MGAT4B: variants seen among roughly 807,000 people sequenced by gnomAD.
MGAT4B encodes N-acetylglucosaminyltransferase IVb.
A neutral mutation model predicts 73.9 loss-of-function variants in MGAT4B; 38 were observed. That is an observed-to-expected ratio of 0.51 (90% CI 0.40 to 0.67). The LOEUF is 0.67. Among genes scored for constraint, MGAT4B ranks in the 30% least tolerant of loss-of-function variants. The pLI is 0.00. For synonymous variants in MGAT4B, 373 were observed against 313.5 expected, an observed-to-expected ratio of 1.19 and a Z score of -2.01; for missense variants, 686 against 735.2, an observed-to-expected ratio of 0.93 and a Z score of 0.77.
In MGAT4B at chr5:179,801,896, G is replaced by A; in HGVS notation, c.171C>T (p.Ser57=). 3 of 1,613,150 alleles carry A rather than the reference G, an allele frequency of 1.9e-6. No individual in the cohort carries two copies. Among genetic ancestry groups the A allele is most frequent in the Non-Finnish European group, 2.5e-6 (3 of 1,179,770 alleles). ...RDRLHAAEQE[S]LKRSKELNLV... ...GGTTGAGCTCCTTGGAGCGCTTGAG[G>A]CTCTCCTGCTCAGCTGCGTGCAACC... is the stretch of plus-strand genomic sequence containing the variant. The change falls in exon 2 of 15, where the codon AGC becomes AGT. Residue 57 remains serine (S), a synonymous_variant. Coordinates refer to ENST00000292591, the MANE Select transcript of MGAT4B (RefSeq NM_014275.5). The surrounding 1 kb of genome is among the most constrained non-coding windows in gnomAD (Gnocchi z 4.8).
At position 179,798,231 on chromosome 5, in the gene MGAT4B, G is replaced by A. The variant is rs769211175; in HGVS notation, c.1557C>T (p.Phe519=). The change falls in exon 14 of 15, where the codon TTC becomes TTT. Residue 519 remains phenylalanine (F), a synonymous_variant. Coordinates refer to ENST00000292591, the MANE Select transcript of MGAT4B (RefSeq NM_014275.5). The part of the protein sequence containing the change: ...GVAEGEVDPA[F]GPLEALRLSI... ...AGAGGCGCAGTGCTTCCAGAGGGCC[G>A]AAGGCTGGGTCCACCTCTCCCTCTG... The A allele has an allele frequency of 1.7e-5, 28 of 1,607,670 alleles. No homozygotes were observed. Among genetic ancestry groups the A allele is most frequent in the South Asian group, 3.3e-5 (3 of 90,644 alleles).
intron 1 of MGAT4B, chr5:179,802,309 CCATCCG>C (rs1446361384): frequency 7.3e-7 from 1 of 1,378,734 alleles, no homozygotes; most frequent in Non-Finnish European, 9.3e-7. Flanking sequence ...TGAATCCGCT[CCATCCG>C]TTGGCCTCCA....
Position 179,801,625 on chromosome 5 carries a change from T to C in MGAT4B, c.353A>G (p.His118Arg). The change falls in exon 3 of 15, where the codon CAC becomes CGC. Residue 118 changes from histidine to arginine, a missense_variant. Around this residue, in one of 2 missense-constraint regions of MGAT4B, gnomAD observed 237 missense variants for 198.5 expected, o/e 1.19. Coordinates refer to ENST00000292591, the MANE Select transcript of MGAT4B (RefSeq NM_014275.5). The surrounding 1 kb of genome is among the most constrained non-coding windows in gnomAD (Gnocchi z 4.8). ...HVLHLPTVFH[H>R]LPHLLAKESS... ...CTCCTTGGCCAGCAGGTGTGGCAGGTGATGGAAGACGGTGGGCAGGTGCAG... is the reference window on the plus strand; with the variant it reads ...CTCCTTGGCCAGCAGGTGTGGCAGGCGATGGAAGACGGTGGGCAGGTGCAG... The C allele has an allele frequency of 6.3e-7, 1 of 1,591,252 alleles. No homozygotes were observed. The highest frequency in any genetic ancestry group is 8.5e-7 in the Non-Finnish European group (1 of 1,170,856).
At chr5:179,803,536 T>G (rs943518088) in intron 1 of MGAT4B, 1 of 152,048 alleles carries the variant, frequency 6.6e-6, no homozygotes, top group East Asian at 2.0e-4. Context: ...TGCGCCTCCC[T>G]CCTGCCTAGA....
rs370612709 is a variant in MGAT4B at position 179,800,042 on chromosome 5, G to A, written c.822C>T (p.Pro274=). ...VQLEDDIVAK[P]NYLSTMKNFA... The stretch of plus-strand genomic sequence containing the variant: ...AGTTCTTCATGGTGCTCAGGTAGTT[G>A]GGCTTGGCCACGATGTCATCCTCCA... The change falls in exon 8 of 15, where the codon CCC becomes CCT. Residue 274 remains proline, a synonymous_variant. Transcript: ENST00000292591. 2.5e-6 allele frequency: 4 copies of A among 1,614,014 alleles called. No individual in the cohort carries two copies. The highest frequency in any genetic ancestry group is 1.7e-5 in the Admixed American group (1 of 60,024).
Position 179,806,579 on chromosome 5 carries a change from C to T in MGAT4B, c.5G>A (p.Arg2Lys). Reference sequence around the variant, plus strand: ...CGTCAGGAAGGTGCCATTGCGGAGCCTCATCTCCTCGGGTGCGCGGCGGGC... The same window carrying T: ...CGTCAGGAAGGTGCCATTGCGGAGCTTCATCTCCTCGGGTGCGCGGCGGGC... M[R>K]LRNGTFLTLL... The change falls in exon 1 of 15, where the codon AGG becomes AAG. Residue 2 changes from arginine to lysine, a missense_variant. By Grantham distance (26) the Arg-to-Lys change is conservative (BLOSUM62 2). Transcript: ENST00000292591. The surrounding 1 kb of genome is among the most constrained non-coding windows in gnomAD (Gnocchi z 4.6). 2 of 1,279,566 alleles carry T rather than the reference C, an allele frequency of 1.6e-6. No homozygotes were observed. Among genetic ancestry groups the T allele is most frequent in the Non-Finnish European group, 1.0e-6 (1 of 984,938 alleles). 79.3% of individuals were successfully genotyped at this position (1,279,566 alleles called of 1,614,324 possible).
chr5:179,798,023 G>A lies in MGAT4B; in HGVS notation c.*22C>T. On this transcript the variant is annotated 3_prime_UTR_variant, in exon 15 of 15. Coordinates refer to ENST00000292591, the MANE Select transcript of MGAT4B (RefSeq NM_014275.5). ...ATGTGGGCTTCAGGGCTGGCCACAG[G>A]GTACCCTCAGAAGCCCGCAGCTTAG... The A allele has an allele frequency of 6.2e-7, 1 of 1,603,576 alleles. No homozygotes were observed. The highest frequency in any genetic ancestry group is 8.5e-7 in the Non-Finnish European group (1 of 1,175,748).
At chr5:179,802,969 T>C (rs1055922417) in intron 1 of MGAT4B, 2 of 985,356 alleles carry the variant, frequency 2.0e-6, no homozygotes, top group Non-Finnish European at 2.4e-6. Flanking sequence ...TTCCATTCCT[T>C]GATCCTTGGT....
At position 179,806,555 on chromosome 5, in the gene MGAT4B, G is replaced by A; in HGVS notation, c.29C>T (p.Thr10Met). Residue 10 changes from threonine (T) to methionine (M), a missense_variant, in exon 1 of 15, where the codon ACG becomes ATG. Thr to Met is a moderately conservative substitution (Grantham distance 81, BLOSUM62 -1). This residue lies in a region of MGAT4B where 237 missense variants were observed against 198.5 expected (regional missense o/e 1.19). Transcript: ENST00000292591. This position sits in a 1 kb window ranked among gnomAD's most constrained non-coding sequence, Gnocchi z 4.6. MRLRNGTFL[T>M]LLLFCLCAFL... is the part of the protein sequence containing the mutation. ...GGCGCACAGGCAGAAGAGCAGCAGCGTCAGGAAGGTGCCATTGCGGAGCCT... is the reference window on the plus strand; with the variant it reads ...GGCGCACAGGCAGAAGAGCAGCAGCATCAGGAAGGTGCCATTGCGGAGCCT... The A allele has an allele frequency of 1.5e-6, 2 of 1,319,952 alleles. No homozygotes were observed. The highest frequency in any genetic ancestry group is 9.9e-7 in the Non-Finnish European group (1 of 1,008,456). 81.8% of individuals were successfully genotyped at this position (1,319,952 alleles called of 1,614,324 possible).
chr5:179,805,860 G>A (rs1160991844), intron 1 of MGAT4B, among the ~76,000 whole-genome samples: 2 of 152,160 alleles, frequency 1.3e-5, no homozygotes, highest in East Asian at 1.9e-4. Flanking sequence ...CCCTCCGCCT[G>A]CAAGAGCGCT....
intron 8 of MGAT4B, 69 bp from the exon 9 acceptor site, chr5:179,799,705 A>C: frequency 6.2e-7 from 1 of 1,603,814 alleles, no homozygotes; most frequent in Non-Finnish European, 8.5e-7. Flanking sequence ...GCGGCCCCCG[A>C]GTCCCACAGC....
At position 179,799,597 on chromosome 5, in the gene MGAT4B, T is replaced by A. The variant is rs1372389597; in HGVS notation, c.950A>T (p.Glu317Val). The A allele has an allele frequency of 1.2e-6, 2 of 1,613,848 alleles. No homozygotes were observed. The highest frequency in any genetic ancestry group is 1.7e-6 in the Non-Finnish European group (2 of 1,180,006). Residue 317 changes from glutamate (E) to valine (V), a missense_variant, in exon 9 of 15, where the codon GAG becomes GTG. By Grantham distance (121) the Glu-to-Val change is moderately radical. Transcript: ENST00000292591. ...FKSLDLSLIV[E>V]FILMFYRDKP... ...GTCCCGGTAGAACATGAGAATGAAC[T>A]CTACAATCAGGCTCAGGTCCAGCGA...
intron 11 of MGAT4B, 88 bp downstream of exon 11, chr5:179,798,840 G>T: frequency 6.8e-7 from 1 of 1,478,950 alleles, no homozygotes; most frequent in Non-Finnish European, 9.3e-7. Flanking sequence ...GGAAACTGAA[G>T]AACGTGAGGA....
intron 6 of MGAT4B, 33 bp downstream of exon 6, chr5:179,800,451 G>T: frequency 2.7e-6 from 4 of 1,483,734 alleles, no homozygotes; most frequent in Non-Finnish European, 3.7e-6. Flanking sequence ...ACAGGCAGGC[G>T]GGTTGCTGAG....
chr5:179,801,766 TCCCGC>T lies in MGAT4B; in HGVS notation c.283+13_283+17del, dbSNP rs773506618. 1 of 946,898 alleles carries T rather than the reference TCCCGC, an allele frequency of 1.1e-6. No individual in the cohort carries two copies. The highest frequency in any genetic ancestry group is 4.3e-5 in the East Asian group (1 of 23,028). The allele number at this position is 946,898 out of a possible 1,614,324, so 58.7% of individuals were successfully genotyped here. ...CCAGCCCGCCCCCGCCTTTTCCCCC[TCCCGC>T]CCCAGACCTCACCTGTTAGGCGGCC... On this transcript the variant is annotated intron_variant, in intron 2 of 14. Transcript: ENST00000292591. The surrounding 1 kb of genome is among the most constrained non-coding windows in gnomAD (Gnocchi z 4.8).
At position 179,799,378 on chromosome 5, in the gene MGAT4B, G is replaced by T. The variant is rs1400651733; in HGVS notation, c.1042-68C>A. 6 of 1,598,828 alleles carry T rather than the reference G, an allele frequency of 3.8e-6. No homozygotes were observed. In the Admixed American group the frequency reaches 1.0e-4, roughly 27 times the overall value. On this transcript the variant is annotated intron_variant, in intron 9 of 14. Transcript: ENST00000292591. ...CTTCCTCAACACGGCCTCTCCTGGG[G>T]ACTACCAGGGCCCTCCCACAGCTGA...
chr5:179,801,133 A>G lies in MGAT4B; in HGVS notation c.559-180T>C. 1 of 1,139,470 alleles carries G rather than the reference A, an allele frequency of 8.8e-7. No homozygotes were observed. The highest frequency in any genetic ancestry group is 1.2e-6 in the Non-Finnish European group (1 of 813,380). The allele number at this position is 1,139,470 out of a possible 1,614,324, so 70.6% of individuals were successfully genotyped here. A position where few individuals can be genotyped will look rare whatever the true frequency, so the allele number is the denominator to read the frequency against. On this transcript the variant is annotated intron_variant, in intron 4 of 14. Coordinates refer to ENST00000292591, the MANE Select transcript of MGAT4B (RefSeq NM_014275.5). The surrounding 1 kb of genome is among the most constrained non-coding windows in gnomAD (Gnocchi z 4.8). ...CTTTCCCTTTGGGACTCGCATGGCCAAGGACTAGGGGGTGGCGGGGGCGAT... is the reference window on the plus strand; with the variant it reads ...CTTTCCCTTTGGGACTCGCATGGCCGAGGACTAGGGGGTGGCGGGGGCGAT...
rs1757159444 is a variant in MGAT4B, at chr5:179,806,417, A to ACCGCCGGGCCCGCTCCCG, written c.97+52_97+69dup. Reference sequence around the variant, plus strand: ...CGGCTTCCGGCCGCCTTCCGCGGCCACCGCCGGGCCCGCTCCCGCCGCCGA... The same window carrying ACCGCCGGGCCCGCTCCCG: ...CGGCTTCCGGCCGCCTTCCGCGGCCACCGCCGGGCCCGCTCCCGCCGCCGGGCCCGCTCCCGCCGCCGA... On this transcript the variant is annotated intron_variant, in intron 1 of 14. Coordinates refer to ENST00000292591, the MANE Select transcript of MGAT4B (RefSeq NM_014275.5). The surrounding 1 kb of genome is among the most constrained non-coding windows in gnomAD (Gnocchi z 4.6). 6 of 1,002,908 alleles carry ACCGCCGGGCCCGCTCCCG rather than the reference A, an allele frequency of 6.0e-6. No homozygotes were observed. The Admixed American group carries it at 3.2e-4, about 54-fold the overall frequency. The allele number at this position is 1,002,908 out of a possible 1,614,324, so 62.1% of individuals were successfully genotyped here. A position where few individuals can be genotyped will look rare whatever the true frequency, so the allele number is the denominator to read the frequency against.
rs779862747 is a variant in MGAT4B, at chr5:179,799,186, C to T, written c.1149+17G>A. The T allele has an allele frequency of 1.5e-5, 24 of 1,613,924 alleles. No homozygotes were observed. The highest frequency in any genetic ancestry group is 9.9e-5 in the South Asian group (9 of 91,090). On this transcript the variant is annotated intron_variant, in intron 10 of 14. Coordinates refer to ENST00000292591, the MANE Select transcript of MGAT4B (RefSeq NM_014275.5). ...GACCTTGATCCCGGCCTAGGGAGAG[C>T]GTGCAGTGCAGCCCACCTTCAGTTT...
Sources: allele counts gnomAD v4.1 joint callset (sites outside exome capture counted in the v4.1 genomes callset), GRCh38; gene constraint gnomAD v4.1.1; regional missense constraint gnomAD v4.1.1; non-coding constraint Gnocchi (gnomAD v3.1); transcripts MANE v1.5; gene names NCBI Gene and HGNC (gene_info 2026-07-23, HGNC 2026-07-21).